EFNA5: variants seen among roughly 807,000 people sequenced by gnomAD.
The protein encoded by EFNA5 is ephrin-A5.
Under a neutral mutation model 22.9 loss-of-function variants are expected in EFNA5, and 5 were observed. That is an observed-to-expected ratio of 0.22 (90% confidence interval 0.11 to 0.46). The LOEUF is 0.46. Among genes scored for constraint, EFNA5 ranks in the 20% least tolerant of loss-of-function variants. EFNA5 has a pLI of 0.99. For missense variants in EFNA5, 237 were observed against 293.3 expected (o/e 0.81, Z 1.40); for synonymous variants, 113 against 112.2 (o/e 1.01, Z -0.04).
At chr5:107,646,249 T>C (rs2112548925) in intron 1 of EFNA5, among the ~76,000 whole-genome samples, 1 of 152,256 alleles carries the variant, frequency 6.6e-6, no homozygotes, top group South Asian at 2.1e-4. Flanking sequence ...AAGGGATAGA[T>C]TGGATAAACT....
At chr5:107,548,579 G>A (rs1382778555) in intron 1 of EFNA5, among the ~76,000 whole-genome samples, 4 of 152,242 alleles carry the variant, frequency 2.6e-5, no homozygotes, top group Non-Finnish European at 4.4e-5. Context: ...GTTGTACAAC[G>A]GGCTACAAGG....
chr5:107,530,558 T>C (rs765041664), intron 1 of EFNA5, among the ~76,000 whole-genome samples: 1 of 152,240 alleles, frequency 6.6e-6, no homozygotes, highest in Non-Finnish European at 1.5e-5. Flanking sequence ...TGATTTCAAA[T>C]GGCCTGCAGA....
At chr5:107,516,597 C>T (rs1173888905) in intron 1 of EFNA5, among the ~76,000 whole-genome samples, 1 of 152,144 alleles carries the variant, frequency 6.6e-6, no homozygotes, top group African/African-American at 2.4e-5. Context: ...TGATACACTA[C>T]ACATATGGCC....
intron 4 of EFNA5, among the ~76,000 whole-genome samples, chr5:107,381,910 C>G (rs1580412515): frequency 1.3e-5 from 2 of 152,300 alleles, no homozygotes; most frequent in East Asian, 3.9e-4. Context: ...GCCAAAACAG[C>G]AGCATTTTGG....
intron 1 of EFNA5, among the ~76,000 whole-genome samples, chr5:107,480,294 T>A (rs25995): frequency 6.6e-6 from 1 of 152,108 alleles, no homozygotes; most frequent in South Asian, 2.1e-4. Flanking sequence ...ATCCACTCAA[T>A]AGTCATTACT....
rs533482159 is a variant in EFNA5, at chr5:107,622,961, C to T, written c.125+47528G>A. Among the ~76,000 whole-genome samples, 721 of 128,858 alleles carry T rather than the reference C, an allele frequency of 5.6e-3. 4 individuals are homozygous for T. The highest frequency in any genetic ancestry group is 0.02 in the African/African-American group (693 of 34,088). 84.5% of individuals were successfully genotyped at this position (128,858 alleles called of 152,430 possible). ...GCGTGAACCCGGGAAGCGGAGCTTG[C>T]AGTGAGCCGAGATTGCGCCACTGCA... On this transcript the variant is annotated intron_variant, in intron 1 of 4. Transcript: ENST00000333274.
chr5:107,619,226 G>T (rs1260323315), intron 1 of EFNA5, among the ~76,000 whole-genome samples: 1 of 151,652 alleles, frequency 6.6e-6, no homozygotes. Flanking sequence ...CACCCGGCCA[G>T]TTGTGTACTC....
intron 1 of EFNA5, among the ~76,000 whole-genome samples, chr5:107,601,842 T>C (rs1250385886): frequency 6.6e-6 from 1 of 152,174 alleles, no homozygotes; most frequent in Non-Finnish European, 1.5e-5. Context: ...GAATTTAACT[T>C]CATGATGATG....
At chr5:107,542,920 C>T (rs996535359) in intron 1 of EFNA5, among the ~76,000 whole-genome samples, 5 of 151,942 alleles carry the variant, frequency 3.3e-5, no homozygotes, top group African/African-American at 4.8e-5. Flanking sequence ...CGGAATCACT[C>T]GGTTCAAATG....
At chr5:107,430,245 G>A (rs1748912455) in intron 1 of EFNA5, among the ~76,000 whole-genome samples, 2 of 152,170 alleles carry the variant, frequency 1.3e-5, no homozygotes, top group South Asian at 2.1e-4. Context: ...GCAAAGTTCA[G>A]ATAAAAGGGT....
chr5:107,516,593 A>G (rs1425418490), intron 1 of EFNA5, among the ~76,000 whole-genome samples: 1 of 152,154 alleles, frequency 6.6e-6, no homozygotes, highest in Non-Finnish European at 1.5e-5. Flanking sequence ...TCTTTGATAC[A>G]CTACACATAT....
intron 1 of EFNA5, among the ~76,000 whole-genome samples, chr5:107,428,258 ATCT>A (rs1213157825): frequency 6.6e-6 from 1 of 152,174 alleles, no homozygotes; most frequent in Non-Finnish European, 1.5e-5. Flanking sequence ...AAAACAACCC[ATCT>A]AAATCAAATG....
chr5:107,449,728 G>A (rs550196542), intron 1 of EFNA5, among the ~76,000 whole-genome samples: 18 of 152,048 alleles, frequency 1.2e-4, no homozygotes, highest in Non-Finnish European at 2.5e-4. Context: ...AATAAATAAC[G>A]TACACTTAAT....
In EFNA5 at chr5:107,390,724, T is replaced by C. The variant is rs563502019; in HGVS notation, c.419-2953A>G. Reference sequence around the variant, plus strand: ...ATAAATATATATAAATTTATATACATAAATTATATTCACTATATATAACTT... The same window carrying C: ...ATAAATATATATAAATTTATATACACAAATTATATTCACTATATATAACTT... On this transcript the variant is annotated intron_variant, in intron 2 of 4. Coordinates refer to ENST00000333274, the MANE Select transcript of EFNA5 (RefSeq NM_001962.3). 9.2e-5 allele frequency among the ~76,000 whole-genome samples: 14 copies of C among 151,382 alleles called. No homozygotes were observed. The South Asian group carries it at 2.1e-3, about 22-fold the overall frequency.
At chr5:107,538,914 T>C (rs1747987005) in intron 1 of EFNA5, among the ~76,000 whole-genome samples, 1 of 152,226 alleles carries the variant, frequency 6.6e-6, no homozygotes, top group African/African-American at 2.4e-5. Context: ...CAAGGCTGCC[T>C]TGCTTTGATA....
At chr5:107,530,843 T>A (rs995326918) in intron 1 of EFNA5, among the ~76,000 whole-genome samples, 2 of 152,178 alleles carry the variant, frequency 1.3e-5, no homozygotes, top group Non-Finnish European at 2.9e-5. Flanking sequence ...GTGACTGGCA[T>A]ACAGTAGGCA....
intron 1 of EFNA5, among the ~76,000 whole-genome samples, chr5:107,665,868 C>T (rs1420939169): frequency 6.6e-6 from 1 of 152,058 alleles, no homozygotes; most frequent in African/African-American, 2.4e-5. Context: ...AACATATAAG[C>T]ATAAAAACAT....
chr5:107,417,375 C>T (rs1748529531), intron 2 of EFNA5, among the ~76,000 whole-genome samples: 1 of 152,100 alleles, frequency 6.6e-6, no homozygotes, highest in Non-Finnish European at 1.5e-5. Context: ...CAAACCCATA[C>T]ATAGCATACA....
At chr5:107,666,537 T>C (rs771278128) in intron 1 of EFNA5, among the ~76,000 whole-genome samples, 4 of 152,162 alleles carry the variant, frequency 2.6e-5, no homozygotes, top group Non-Finnish European at 5.9e-5. Context: ...AAAACATGAT[T>C]AGGTTAAAGT....
Sources: allele counts gnomAD v4.1 joint callset (sites outside exome capture counted in the v4.1 genomes callset), GRCh38; gene constraint gnomAD v4.1.1; transcripts MANE v1.5; gene names NCBI Gene and HGNC (gene_info 2026-07-23, HGNC 2026-07-21).